GALNT11: variants seen among roughly 807,000 people sequenced by gnomAD.
GALNT11 encodes UDP-GalNAc:polypeptide N-acetylgalactosaminyltransferase 11.
Under a neutral mutation model 72.7 loss-of-function variants are expected in GALNT11, and 47 were observed. That is an observed-to-expected ratio of 0.65 (90% CI 0.51 to 0.82). GALNT11 has a LOEUF of 0.82. GALNT11 is among the 40% of genes least tolerant of loss of function. The pLI, the probability that GALNT11 is intolerant of heterozygous loss-of-function variation, is 0.00. For missense variants in GALNT11, 677 were observed against 778.4 expected, an observed-to-expected ratio of 0.87 and a Z score of 1.55; for synonymous variants, 270 against 286.6, an observed-to-expected ratio of 0.94 and a Z score of 0.58.
intron 1 of GALNT11, among the ~76,000 whole-genome samples, chr7:152,062,206 A>T (rs903628792): frequency 2.0e-5 from 3 of 152,110 alleles, no homozygotes; most frequent in African/African-American, 7.2e-5. Context: ...TGTAAGTTGG[A>T]TCCCTAGGTA....
chr7:152,107,507 A>G (rs1025876978), intron 5 of GALNT11: 3 of 152,156 alleles, frequency 2.0e-5, no homozygotes, highest in African/African-American at 7.2e-5. Context: ...TGTGGCAGCC[A>G]TCATCCATAG....
chr7:152,093,577 C>T (rs2086182193), intron 1 of GALNT11, among the ~76,000 whole-genome samples: 1 of 152,002 alleles, frequency 6.6e-6, no homozygotes, highest in Non-Finnish European at 1.5e-5. Context: ...TATAGGCGCC[C>T]ACCACAACCC....
intron 7 of GALNT11, 125 bp downstream of exon 7, chr7:152,110,770 GC>G: frequency 2.7e-6 from 2 of 747,090 alleles, no homozygotes; most frequent in Non-Finnish European, 2.1e-6. Context: ...TTTCTCTGCT[GC>G]CCAGGTTGGA....
At chr7:152,097,447 C>G (rs6951750) in intron 2 of GALNT11, among the ~76,000 whole-genome samples, 4,038 of 152,254 alleles carry the variant, frequency 0.027, 178 homozygotes, top group African/African-American at 0.092. Flanking sequence ...TTGGCAGTTC[C>G]TCCATAAATT....
chr7:152,055,485 CATA>C (rs1349719907), intron 1 of GALNT11, among the ~76,000 whole-genome samples: 1 of 149,330 alleles, frequency 6.7e-6, no homozygotes, highest in African/African-American at 2.5e-5. Context: ...CTTCTCATTT[CATA>C]ATAAGTTACG....
chr7:152,043,210 G>A (rs187560724), intron 1 of GALNT11, among the ~76,000 whole-genome samples: 84 of 152,320 alleles, frequency 5.5e-4, no homozygotes, highest in African/African-American at 1.6e-3. Flanking sequence ...ATCAGAATCA[G>A]TGACTCCTGT....
intron 6 of GALNT11, among the ~76,000 whole-genome samples, chr7:152,109,615 G>A (rs986806030): frequency 6.6e-6 from 1 of 152,094 alleles, no homozygotes; most frequent in Non-Finnish European, 1.5e-5. Flanking sequence ...TGTTTCTGGT[G>A]TATGTTGTTT....
intron 1 of GALNT11, among the ~76,000 whole-genome samples, chr7:152,091,961 G>C (rs1056224183): frequency 6.6e-6 from 1 of 152,166 alleles, no homozygotes; most frequent in East Asian, 1.9e-4. Context: ...CCTTTTGTGA[G>C]GGCCAAGCAG....
intron 11 of GALNT11, 85 bp from the exon 12 acceptor site, chr7:152,121,461 A>T: frequency 6.6e-7 from 1 of 1,513,190 alleles, no homozygotes; most frequent in Non-Finnish European, 8.9e-7. Flanking sequence ...CCTTAATCTG[A>T]ATTCTTAAGT....
At chr7:152,065,369 A>C (rs1238918105) in intron 1 of GALNT11, among the ~76,000 whole-genome samples, 1 of 152,172 alleles carries the variant, frequency 6.6e-6, no homozygotes, top group Non-Finnish European at 1.5e-5. Context: ...CAAGGTTTTT[A>C]GCTTCTTTGC....
intron 8 of GALNT11, among the ~76,000 whole-genome samples, chr7:152,115,235 T>C (rs1587479372): frequency 1.3e-5 from 2 of 152,190 alleles, no homozygotes; most frequent in South Asian, 4.1e-4. Context: ...ATTTGCCTCT[T>C]TGACCGTGTT....
At chr7:152,034,720 G>T (rs891062951) in intron 1 of GALNT11, among the ~76,000 whole-genome samples, 2 of 152,138 alleles carry the variant, frequency 1.3e-5, no homozygotes, top group African/African-American at 4.8e-5. Flanking sequence ...ACAACGGTCG[G>T]TCCCTGGACC....
intron 1 of GALNT11, among the ~76,000 whole-genome samples, chr7:152,076,268 C>T (rs2084972725): frequency 6.6e-6 from 1 of 152,066 alleles, no homozygotes; most frequent in Non-Finnish European, 1.5e-5. Context: ...TAAATTAGTT[C>T]ATCTAAGGAT....
chr7:152,029,809 G>T (rs1051290069), intron 1 of GALNT11, among the ~76,000 whole-genome samples: 1 of 152,224 alleles, frequency 6.6e-6, no homozygotes, highest in South Asian at 2.1e-4. Context: ...GTTCCTCCTA[G>T]ATCTGGTCGG....
intron 1 of GALNT11, among the ~76,000 whole-genome samples, chr7:152,047,901 G>A (rs568696284): frequency 4.8e-4 from 73 of 151,552 alleles, no homozygotes; most frequent in Admixed American, 9.2e-4. Context: ...TGATCAGTTC[G>A]TCTTTTAGTC....
chr7:152,031,927 C>A (rs1385819501), intron 1 of GALNT11, among the ~76,000 whole-genome samples: 1 of 152,182 alleles, frequency 6.6e-6, no homozygotes, highest in African/African-American at 2.4e-5. Context: ...GGAACCCCCA[C>A]AACTGTTTTA....
At chr7:152,028,981 T>C (rs2082176892) in intron 1 of GALNT11, among the ~76,000 whole-genome samples, 1 of 152,190 alleles carries the variant, frequency 6.6e-6, no homozygotes, top group Non-Finnish European at 1.5e-5. Flanking sequence ...AATAGCAAGA[T>C]GGCTGCCACA....
At chr7:152,035,625 G>A (rs35326204) in intron 1 of GALNT11, among the ~76,000 whole-genome samples, 3 of 152,144 alleles carry the variant, frequency 2.0e-5, no homozygotes, top group Non-Finnish European at 4.4e-5. Flanking sequence ...TCCCAACTCC[G>A]AAGAGTCAGG....
chr7:152,094,588 G>A lies in GALNT11; in HGVS notation c.295+66G>A. ...TAATCACTGGAAGTTTGATTAATTA[G>A]TTAATTAGGAGATCAGAAATGCTGC... On this transcript the variant is annotated intron_variant, in intron 2 of 11. Coordinates refer to ENST00000430044, the MANE Select transcript of GALNT11 (RefSeq NM_022087.4). This position sits in a 1 kb window ranked among gnomAD's most constrained non-coding sequence, Gnocchi z 4.3. 1 of 1,462,154 alleles carries A rather than the reference G, an allele frequency of 6.8e-7. No individual in the cohort carries two copies. Among genetic ancestry groups the A allele is most frequent in the Non-Finnish European group, 9.2e-7 (1 of 1,089,448 alleles). The allele number at this position is 1,462,154 out of a possible 1,614,324, so 90.6% of individuals were successfully genotyped here.
Sources: allele counts gnomAD v4.1 joint callset (sites outside exome capture counted in the v4.1 genomes callset), GRCh38; gene constraint gnomAD v4.1.1; non-coding constraint Gnocchi (gnomAD v3.1); transcripts MANE v1.5; gene names NCBI Gene and HGNC (gene_info 2026-07-23, HGNC 2026-07-21).